Variants in PREX2 observed in about 807,000 individuals in gnomAD.
PREX2 encodes the protein phosphatidylinositol 3,4,5-trisphosphate-dependent Rac exchanger 2 protein.
Under a neutral mutation model 203.2 loss-of-function variants are expected in PREX2, and 107 were observed. The ratio of observed to expected loss-of-function variants is 0.53; its 90% CI spans 0.45 to 0.62. The LOEUF is 0.62. Ranked by LOEUF, PREX2 falls within the 20% of genes least tolerant of loss-of-function variation. The probability of loss-of-function intolerance (pLI) is 0.00; values close to 1 mark genes in which losing one functional copy is unlikely to be tolerated. For synonymous variants in PREX2, 672 were observed against 663.6 expected, an observed-to-expected ratio of 1.01 and a Z score of -0.19; for missense variants, 1,777 against 1,955.9, an observed-to-expected ratio of 0.91 and a Z score of 1.72.
chr8:68,196,163 G>T (rs572140548), intron 37 of PREX2, among the ~76,000 whole-genome samples: 1 of 151,862 alleles, frequency 6.6e-6, no homozygotes. Context: ...GTTCAACTTC[G>T]CTTAAGTTTA....
intron 35 of PREX2, among the ~76,000 whole-genome samples, chr8:68,169,750 G>T (rs1010968305): frequency 6.6e-6 from 1 of 152,132 alleles, no homozygotes; most frequent in South Asian, 2.1e-4. Context: ...ACAGTAGACG[G>T]TGAGAACAAA....
intron 25 of PREX2, 81 bp downstream of exon 25, chr8:68,109,704 C>T: frequency 3.5e-6 from 4 of 1,144,736 alleles, no homozygotes; most frequent in Non-Finnish European, 5.1e-6. Context: ...CAATCATTCT[C>T]TCTTTAGTTA....
At chr8:68,049,718 G>A (rs1196233587) in intron 8 of PREX2, among the ~76,000 whole-genome samples, 1 of 151,958 alleles carries the variant, frequency 6.6e-6, no homozygotes, top group Non-Finnish European at 1.5e-5. Context: ...ATTGAAACTT[G>A]GAAATTCCTG....
chr8:68,041,336 T>A (rs1808191579), intron 7 of PREX2, among the ~76,000 whole-genome samples: 1 of 152,162 alleles, frequency 6.6e-6, no homozygotes, highest in African/African-American at 2.4e-5. Context: ...TTAAATCAGT[T>A]ATCAAGATGC....
intron 22 of PREX2, 24 bp from the exon 23 acceptor site, chr8:68,099,658 G>T (rs369117105): frequency 8.7e-6 from 14 of 1,608,292 alleles, no homozygotes; most frequent in Non-Finnish European, 1.2e-5. Context: ...GTGTGTGGGT[G>T]TGCGTGTGTG....
chr8:68,032,258 G>A (rs1807908095), intron 6 of PREX2, among the ~76,000 whole-genome samples: 2 of 152,148 alleles, frequency 1.3e-5, no homozygotes, highest in Admixed American at 6.6e-5. Context: ...AGAAATTAGA[G>A]AGGAATTTTG....
chr8:68,144,868 A>T (rs927163202), intron 33 of PREX2, among the ~76,000 whole-genome samples: 2 of 152,128 alleles, frequency 1.3e-5, no homozygotes, highest in African/African-American at 4.8e-5. Context: ...TATTTGTTCT[A>T]TGTTAGTTCT....
chr8:68,114,273 G>T (rs761941415), intron 25 of PREX2: 2 of 503,404 alleles, frequency 4.0e-6, no homozygotes, highest in Middle Eastern at 3.2e-4. Context: ...CACAGCATTG[G>T]GTTTGACATT....
chr8:68,093,821 A>T (rs148384839), intron 21 of PREX2, 99 bp downstream of exon 21: 6 of 561,898 alleles, frequency 1.1e-5, no homozygotes, highest in African/African-American at 9.4e-5. Context: ...TGTTGAAGCC[A>T]CATTCTTAAG....
At chr8:68,205,872 A>T (rs1006437989) in intron 37 of PREX2, among the ~76,000 whole-genome samples, 10 of 152,338 alleles carry the variant, frequency 6.6e-5, no homozygotes, top group Middle Eastern at 6.8e-3. Flanking sequence ...TCACTTTACA[A>T]TCAATATACT....
chr8:68,035,554 T>C (rs1179064023), intron 6 of PREX2, among the ~76,000 whole-genome samples: 1 of 152,136 alleles, frequency 6.6e-6, no homozygotes, highest in Non-Finnish European at 1.5e-5. Context: ...ATTTAAATCA[T>C]GGGAAATCAG....
intron 38 of PREX2, among the ~76,000 whole-genome samples, chr8:68,221,745 G>C (rs2140771): frequency 1.3e-5 from 2 of 151,990 alleles, no homozygotes; most frequent in Admixed American, 1.3e-4. Flanking sequence ...CAGCATGACA[G>C]GCATCAGTTT....
intron 8 of PREX2, among the ~76,000 whole-genome samples, chr8:68,047,478 T>TATATATATATATATATAC (rs1554570833): frequency 2.3e-5 from 1 of 44,412 alleles, no homozygotes; most frequent in African/African-American, 2.0e-4. Context: ...TTTATATATA[T>TATATATATATATATATAC]ATATATATAT....
intron 1 of PREX2, among the ~76,000 whole-genome samples, chr8:67,980,957 C>T (rs1044198484): frequency 3.9e-5 from 6 of 152,182 alleles, no homozygotes; most frequent in Non-Finnish European, 8.8e-5. Flanking sequence ...CTGCGCGTGG[C>T]TTTCTTCATC....
At chr8:68,001,250 T>G (rs1806930046) in intron 1 of PREX2, among the ~76,000 whole-genome samples, 1 of 151,870 alleles carries the variant, frequency 6.6e-6, no homozygotes, top group South Asian at 2.1e-4. Context: ...ACAATAAAAA[T>G]GAACAAACCC....
At chr8:68,216,626 G>T (rs181149072) in intron 37 of PREX2, among the ~76,000 whole-genome samples, 13 of 152,080 alleles carry the variant, frequency 8.5e-5, no homozygotes, top group Admixed American at 8.5e-4. Context: ...AGGCTTTCAG[G>T]GGTACTGTAG....
chr8:68,158,637 T>C (rs1052054260), intron 35 of PREX2, among the ~76,000 whole-genome samples: 10 of 152,148 alleles, frequency 6.6e-5, no homozygotes, highest in Non-Finnish European at 1.5e-4. Flanking sequence ...TTATGTTAAG[T>C]TACAGCTACT....
At position 67,952,377 on chromosome 8, in the gene PREX2, T is replaced by C. The variant is rs1412059319; in HGVS notation, c.-18T>C. On this transcript the variant is annotated 5_prime_UTR_variant, in exon 1 of 40. Coordinates refer to ENST00000288368, the MANE Select transcript of PREX2 (RefSeq NM_024870.4). ...CTCAGCACGGCGGGCAGCGCCGCGC[T>C]GCGCACCGCCGCCGACCATGAGCGA... is the stretch of plus-strand genomic sequence containing the variant. The C allele has an allele frequency of 6.6e-7, 1 of 1,520,496 alleles. No individual in the cohort carries two copies. Among genetic ancestry groups the C allele is most frequent in the Admixed American group, 2.1e-5 (1 of 47,256 alleles). 94.2% of individuals were successfully genotyped at this position (1,520,496 alleles called of 1,614,324 possible). A position where few individuals can be genotyped will look rare whatever the true frequency, so the allele number is the denominator to read the frequency against.
intron 1 of PREX2, among the ~76,000 whole-genome samples, chr8:67,954,345 C>T (rs1054448374): frequency 2.4e-4 from 36 of 152,126 alleles, no homozygotes; most frequent in African/African-American, 8.2e-4. Context: ...TAAAAGTTTA[C>T]TCTGGCTTAC....
Sources: gnomAD v4.1 joint callset for allele counts (sites outside exome capture counted in the v4.1 genomes callset) on GRCh38, gnomAD v4.1.1 for gene constraint, MANE v1.5 for transcripts, NCBI Gene and HGNC (gene_info 2026-07-23, HGNC 2026-07-21) for gene names.